The following TEX14 variants were observed in gnomAD, a reference collection of about 807,000 sequenced individuals.
The protein encoded by TEX14 is inactive serine/threonine-protein kinase TEX14.
In TEX14, 168 loss-of-function variants were observed where a neutral mutation model predicts 178.6. The ratio of observed to expected loss-of-function variants is 0.94; its 90% CI spans 0.83 to 1.07. TEX14 has a LOEUF of 1.07. Ranked by LOEUF, TEX14 falls within the 50% of genes least tolerant of loss-of-function variation. TEX14 has a pLI of 0.00. For synonymous variants in TEX14, 626 were observed against 634.1 expected, an observed-to-expected ratio of 0.99 and a Z score of 0.19; for missense variants, 1,730 against 1,753.6, an observed-to-expected ratio of 0.99 and a Z score of 0.24.
At chr17:58,682,656 G>C (rs980885928) in intron 1 of TEX14, among the ~76,000 whole-genome samples, 3 of 151,358 alleles carry the variant, frequency 2.0e-5, no homozygotes, top group Admixed American at 6.6e-5. Context: ...TTATAGGCGT[G>C]AGCCACCATG....
intron 1 of TEX14, among the ~76,000 whole-genome samples, chr17:58,681,757 C>A (rs186452738): frequency 3.2e-4 from 49 of 151,942 alleles, no homozygotes; most frequent in African/African-American, 1.2e-3. Context: ...GAAGGAGAAT[C>A]GCTTGAACCT....
intron 1 of TEX14, among the ~76,000 whole-genome samples, chr17:58,667,623 G>A (rs778134320): frequency 2.0e-5 from 3 of 152,150 alleles, no homozygotes; most frequent in Non-Finnish European, 2.9e-5. Context: ...AGTGGCTCAC[G>A]CCTGTAATCC....
chr17:58,563,368 G>A (rs2044310203), intron 28 of TEX14, among the ~76,000 whole-genome samples: 1 of 151,764 alleles, frequency 6.6e-6, no homozygotes, highest in Non-Finnish European at 1.5e-5. Context: ...CTCTTCTAAG[G>A]CCTTTAACTA....
chr17:58,661,079 A>C (rs766717748), intron 1 of TEX14: 2 of 1,061,632 alleles, frequency 1.9e-6, no homozygotes, highest in Admixed American at 3.4e-5. Context: ...CATTGTAGAC[A>C]ACTTATGCTC....
chr17:58,672,879 G>A (rs1044049681), intron 1 of TEX14, among the ~76,000 whole-genome samples: 1 of 151,028 alleles, frequency 6.6e-6, no homozygotes, highest in Non-Finnish European at 1.5e-5. Flanking sequence ...TTACAGATGC[G>A]TGCCACCATG....
chr17:58,659,140 C>A (rs767957949), intron 1 of TEX14, among the ~76,000 whole-genome samples: 1 of 152,158 alleles, frequency 6.6e-6, no homozygotes, highest in Non-Finnish European at 1.5e-5. Flanking sequence ...TAAACTAGTT[C>A]AATCACAGGA....
In TEX14 at chr17:58,574,631, G is replaced by A. The variant is rs1234380193; in HGVS notation, c.3321-382C>T. ...GGAGGTTGCAGTGAGCTGAGATCGC[G>A]CCATTGCACTCCAGCCTGGGCAGCA... On this transcript the variant is annotated intron_variant, in intron 21 of 31. Coordinates refer to ENST00000349033, the MANE Select transcript of TEX14 (RefSeq NM_031272.5). Among the ~76,000 whole-genome samples the A allele has an allele frequency of 5.0e-5, 6 of 120,366 alleles. No individual in the cohort carries two copies. In the Admixed American group the frequency reaches 7.1e-4, roughly 14 times the overall value. The allele number at this position is 120,366 out of a possible 152,430, so 79.0% of individuals were successfully genotyped here. A position where few individuals can be genotyped will look rare whatever the true frequency, so the allele number is the denominator to read the frequency against.
intron 8 of TEX14, among the ~76,000 whole-genome samples, chr17:58,614,693 A>G (rs1209714666): frequency 6.6e-6 from 1 of 152,154 alleles, no homozygotes; most frequent in Non-Finnish European, 1.5e-5. Flanking sequence ...CTTAGGAGAG[A>G]GCTCGATAAG....
chr17:58,634,181 G>A (rs596714), intron 2 of TEX14, among the ~76,000 whole-genome samples: 73,354 of 151,802 alleles, frequency 0.48, 18,441 homozygotes, highest in Middle Eastern at 0.57. Context: ...GGGAAGCTGA[G>A]GTGGGTGGAT....
At chr17:58,628,628 C>T (rs1333282433) in intron 3 of TEX14, among the ~76,000 whole-genome samples, 2 of 151,950 alleles carry the variant, frequency 1.3e-5, no homozygotes, top group Non-Finnish European at 2.9e-5. Context: ...AGGAGAATCA[C>T]TTGAACCTCG....
In TEX14 at chr17:58,569,041, A is replaced by C. The variant is rs899814701; in HGVS notation, c.3886+151T>G. The stretch of plus-strand genomic sequence containing the variant: ...TTTTATTGCAAAACTGCCCCTTCCT[A>C]AATTTTGGAAAACTGCCCCTTCCTA... On this transcript the variant is annotated intron_variant, in intron 26 of 31. Coordinates refer to ENST00000349033, the MANE Select transcript of TEX14 (RefSeq NM_031272.5). This position sits in a 1 kb window ranked among gnomAD's most constrained non-coding sequence, Gnocchi z 4.1. The C allele has an allele frequency of 7.4e-6, 4 of 540,522 alleles. No individual in the cohort carries two copies. In the African/African-American group the frequency reaches 7.7e-5, roughly 10 times the overall value. 33.5% of individuals were successfully genotyped at this position (540,522 alleles called of 1,614,324 possible).
At chr17:58,644,713 C>T (rs2046657975) in intron 2 of TEX14, among the ~76,000 whole-genome samples, 1 of 139,730 alleles carries the variant, frequency 7.2e-6, no homozygotes, top group African/African-American at 2.7e-5. Context: ...AAGATCTCGG[C>T]TCACTGCAAC....
chr17:58,596,893 G>GAC (rs1458342467), intron 14 of TEX14, among the ~76,000 whole-genome samples: 1 of 152,104 alleles, frequency 6.6e-6, no homozygotes, highest in Non-Finnish European at 1.5e-5. Flanking sequence ...AGTGAGCCAT[G>GAC]ACAGTGCCAC....
At chr17:58,574,675 C>CCA (rs2044633152) in intron 21 of TEX14, among the ~76,000 whole-genome samples, 1 of 43,890 alleles carries the variant, frequency 2.3e-5, no homozygotes, top group Non-Finnish European at 4.0e-5. Flanking sequence ...ACTCCATCTC[C>CCA]AAAAAAAAAA....
intron 1 of TEX14, among the ~76,000 whole-genome samples, chr17:58,662,842 G>C (rs982545646): frequency 3.9e-5 from 6 of 152,090 alleles, no homozygotes; most frequent in Non-Finnish European, 5.9e-5. Flanking sequence ...TAATGTGACC[G>C]GGCGCGGTGG....
At chr17:58,624,103 G>A (rs528732901) in intron 3 of TEX14, among the ~76,000 whole-genome samples, 1 of 152,210 alleles carries the variant, frequency 6.6e-6, no homozygotes, top group East Asian at 1.9e-4. Flanking sequence ...CTAACGCGGT[G>A]AAACCCTGTG....
At chr17:58,592,517 G>A (rs1371391018) in intron 15 of TEX14, among the ~76,000 whole-genome samples, 1 of 150,540 alleles carries the variant, frequency 6.6e-6, no homozygotes, top group Non-Finnish European at 1.5e-5. Flanking sequence ...TGTATTTTTA[G>A]TAGAGACGGG....
In TEX14 at chr17:58,652,618, G is replaced by C. The variant is rs115405976; in HGVS notation, c.-1-616C>G. Among the ~76,000 whole-genome samples the C allele has an allele frequency of 9.6e-3, 1,458 of 152,182 alleles. 20 individuals are homozygous for C. The highest frequency in any genetic ancestry group is 0.033 in the African/African-American group (1,356 of 41,504). On this transcript the variant is annotated intron_variant, in intron 1 of 31. Coordinates refer to ENST00000349033, the MANE Select transcript of TEX14 (RefSeq NM_031272.5). ...CGGCATGTCTTTATTAGCAGCACAA[G>C]AACAGACTAATACAATATTTGTCAC...
intron 2 of TEX14, among the ~76,000 whole-genome samples, chr17:58,637,038 C>T (rs1350025627): frequency 2.0e-5 from 3 of 151,894 alleles, no homozygotes; most frequent in Admixed American, 6.6e-5. Flanking sequence ...ACCAGTCTGG[C>T]GAACACGGTG....
Sources: gnomAD v4.1 joint callset for allele counts (sites outside exome capture counted in the v4.1 genomes callset) on GRCh38, gnomAD v4.1.1 for gene constraint, Gnocchi (gnomAD v3.1) non-coding constraint, MANE v1.5 for transcripts, NCBI Gene and HGNC (gene_info 2026-07-23, HGNC 2026-07-21) for gene names.